Variants in VAPB observed in about 807,000 individuals in gnomAD.
VAPB encodes the protein vesicle-associated membrane protein-associated protein B/C.
A neutral mutation model predicts 25.6 loss-of-function variants in VAPB; 7 were observed. The observed-to-expected ratio is 0.27, with a 90% CI of 0.16 to 0.51. The LOEUF is 0.51. Among genes scored for constraint, VAPB ranks in the 20% least tolerant of loss-of-function variants. The probability of loss-of-function intolerance (pLI) is 0.97; values close to 1 mark genes in which losing one functional copy is unlikely to be tolerated. For synonymous variants in VAPB, 112 were observed against 109.2 expected (o/e 1.03, Z -0.16); for missense variants, 266 against 301.3 (o/e 0.88, Z 0.87).
rs548272361 is a variant in VAPB at position 58,403,093 on chromosome 20, C to T, written c.58+13576C>T. Among the ~76,000 whole-genome samples the T allele has an allele frequency of 7.9e-5, 12 of 152,224 alleles. No individual in the cohort carries two copies. The East Asian group carries it at 1.4e-3, about 17-fold the overall frequency. ...AGTAATGAAGCCTGTCGGCAGGGCCCGTTATGTACAGCCGATCGATGTAGA... is the reference window on the plus strand; with the variant it reads ...AGTAATGAAGCCTGTCGGCAGGGCCTGTTATGTACAGCCGATCGATGTAGA... On this transcript the variant is annotated intron_variant, in intron 1 of 5. Coordinates refer to ENST00000475243, the MANE Select transcript of VAPB (RefSeq NM_004738.5).
At chr20:58,422,667 C>A (rs1053500194) in intron 2 of VAPB, among the ~76,000 whole-genome samples, 2 of 151,254 alleles carry the variant, frequency 1.3e-5, no homozygotes, top group African/African-American at 4.9e-5. Flanking sequence ...TATTCCAAAC[C>A]ATGTTTGCCA....
Position 58,444,212 on chromosome 20 carries a change from A to G in VAPB, c.709A>G (p.Ile237Val), listed in dbSNP as rs1555816248. Residue 237 changes from isoleucine to valine, a missense_variant, in exon 6 of 6, where the codon ATT becomes GTT. Transcript: ENST00000475243. ...LVVLFFIVGVIIGKIAL is the reference protein window; with the variant it reads ...LVVLFFIVGVVIGKIAL ...GGTTTTGTTCTTTATCGTTGGTGTAATTATTGGGAAGATTGCCTTGTAGAG... is the reference window on the plus strand; with the variant it reads ...GGTTTTGTTCTTTATCGTTGGTGTAGTTATTGGGAAGATTGCCTTGTAGAG... The G allele has an allele frequency of 6.2e-7, 1 of 1,614,192 alleles. No individual in the cohort carries two copies. Among genetic ancestry groups the G allele is most frequent in the Non-Finnish European group, 8.5e-7 (1 of 1,180,038 alleles).
chr20:58,409,161 G>C (rs1988311929), intron 1 of VAPB, among the ~76,000 whole-genome samples: 1 of 151,094 alleles, frequency 6.6e-6, no homozygotes, highest in Non-Finnish European at 1.5e-5. Context: ...AAGTGCTCTA[G>C]GTGCTGATGA....
chr20:58,416,459 GGT>G (rs992801030), intron 1 of VAPB, among the ~76,000 whole-genome samples: 4 of 71,472 alleles, frequency 5.6e-5, no homozygotes, highest in African/African-American at 2.2e-4. Context: ...AGGTGGTTGA[GGT>G]GTGTGTGCTT....
At chr20:58,390,156 T>C (rs1399073904) in intron 1 of VAPB, 1 of 152,178 alleles carries the variant, frequency 6.6e-6, no homozygotes, top group Non-Finnish European at 1.5e-5. Context: ...CAAATGAACC[T>C]CCTCAGGACT....
intron 2 of VAPB, among the ~76,000 whole-genome samples, chr20:58,420,330 A>G (rs1988644013): frequency 6.6e-6 from 1 of 152,180 alleles, no homozygotes; most frequent in South Asian, 2.1e-4. Context: ...CCATCATAGG[A>G]ATTTTTAAAA....
In VAPB at chr20:58,449,026, G is replaced by T. The variant is rs1049782662; in HGVS notation, c.*4791G>T. Reference sequence around the variant, plus strand: ...AACAGCTGAGCTGCTGATGTCTCAGGCCTTTCCCTGAATTAGCACTGCGGT... The same window carrying T: ...AACAGCTGAGCTGCTGATGTCTCAGTCCTTTCCCTGAATTAGCACTGCGGT... On this transcript the variant is annotated 3_prime_UTR_variant, in exon 6 of 6. Coordinates refer to ENST00000475243, the MANE Select transcript of VAPB (RefSeq NM_004738.5). The T allele has an allele frequency of 2.2e-6, 1 of 454,012 alleles. No homozygotes were observed. The highest frequency in any genetic ancestry group is 4.4e-6 in the Non-Finnish European group (1 of 226,796). 28.1% of individuals were successfully genotyped at this position (454,012 alleles called of 1,614,324 possible). A position where few individuals can be genotyped will look rare whatever the true frequency, so the allele number is the denominator to read the frequency against.
intron 1 of VAPB, among the ~76,000 whole-genome samples, chr20:58,405,502 G>A (rs1046985031): frequency 4.6e-5 from 7 of 151,730 alleles, no homozygotes; most frequent in Admixed American, 1.3e-4. Context: ...TTGCTCTGTC[G>A]CCCAGGCTGG....
intron 1 of VAPB, among the ~76,000 whole-genome samples, chr20:58,392,587 A>G (rs963826760): frequency 6.6e-6 from 1 of 152,252 alleles, no homozygotes. Context: ...TTTCAGGATG[A>G]GAAATGGCAC....
intron 1 of VAPB, among the ~76,000 whole-genome samples, chr20:58,406,315 G>A (rs1988228709): frequency 6.6e-6 from 1 of 152,196 alleles, no homozygotes; most frequent in African/African-American, 2.4e-5. Context: ...GCAAAACTTT[G>A]AAGAATGAGC....
chr20:58,433,571 T>G (rs1170320628), intron 2 of VAPB, among the ~76,000 whole-genome samples: 1 of 152,224 alleles, frequency 6.6e-6, no homozygotes, highest in Non-Finnish European at 1.5e-5. Flanking sequence ...ACTGCCTGGG[T>G]TTGAGTCTGC....
At chr20:58,414,717 CG>C (rs1268129454) in intron 1 of VAPB, among the ~76,000 whole-genome samples, 2 of 151,886 alleles carry the variant, frequency 1.3e-5, no homozygotes, top group Non-Finnish European at 2.9e-5. Flanking sequence ...GGCGGCCGGT[CG>C]GAGACGCTCC....
At chr20:58,413,571 C>T (rs966947609) in intron 1 of VAPB, among the ~76,000 whole-genome samples, 11 of 152,062 alleles carry the variant, frequency 7.2e-5, no homozygotes, top group African/African-American at 2.2e-4. Flanking sequence ...GGCAACCATC[C>T]GATTTCTCAA....
chr20:58,399,682 A>C (rs1988047584), intron 1 of VAPB, among the ~76,000 whole-genome samples: 1 of 148,110 alleles, frequency 6.8e-6, no homozygotes, highest in Non-Finnish European at 1.5e-5. Context: ...GTGCCTCTGC[A>C]CTCCAGCCTG....
intron 1 of VAPB, among the ~76,000 whole-genome samples, chr20:58,393,085 G>GCA (rs1249023832): frequency 6.6e-6 from 1 of 152,176 alleles, no homozygotes; most frequent in African/African-American, 2.4e-5. Flanking sequence ...CCAGGCTGGA[G>GCA]GGCAGTGGTG....
In VAPB at chr20:58,447,091, C is replaced by T. The variant is rs1488210584; in HGVS notation, c.*2856C>T. ...CTGCCAGGCTGCCCTCCAGTCTGCT[C>T]CTGTGGTTACTGGCTCCACAGCACC... On this transcript the variant is annotated 3_prime_UTR_variant, in exon 6 of 6. Transcript: ENST00000475243. 2 of 453,978 alleles carry T rather than the reference C, an allele frequency of 4.4e-6. No individual in the cohort carries two copies. Among genetic ancestry groups the T allele is most frequent in the African/African-American group, 2.0e-5 (1 of 49,998 alleles). 28.1% of individuals were successfully genotyped at this position (453,978 alleles called of 1,614,324 possible). A position where few individuals can be genotyped will look rare whatever the true frequency, so the allele number is the denominator to read the frequency against.
chr20:58,412,621 T>G (rs1432505474), intron 1 of VAPB, among the ~76,000 whole-genome samples: 2 of 151,018 alleles, frequency 1.3e-5, no homozygotes, highest in East Asian at 3.9e-4. Flanking sequence ...CCTTAAAAAC[T>G]TCTATCTTGC....
rs893238281 is a variant in VAPB, at chr20:58,449,583, G to T, written c.*5348G>T. The stretch of plus-strand genomic sequence containing the variant: ...TGCAGTTATGATACCTTGGAATGTT[G>T]CCACGATATGGATTGCTTTGATTAA... On this transcript the variant is annotated 3_prime_UTR_variant, in exon 6 of 6. Transcript: ENST00000475243. The T allele has an allele frequency of 1.1e-5, 5 of 454,096 alleles. No individual in the cohort carries two copies. The highest frequency in any genetic ancestry group is 1.0e-4 in the African/African-American group (5 of 50,118). The allele number at this position is 454,096 out of a possible 1,614,324, so 28.1% of individuals were successfully genotyped here. A position where few individuals can be genotyped will look rare whatever the true frequency, so the allele number is the denominator to read the frequency against.
intron 4 of VAPB, 55 bp from the exon 5 acceptor site, chr20:58,440,852 A>G: frequency 1.3e-6 from 2 of 1,570,418 alleles, no homozygotes; most frequent in Non-Finnish European, 1.7e-6. Context: ...TTTGCATAAA[A>G]AAGTCCATTA....
Sources: allele counts gnomAD v4.1 joint callset (sites outside exome capture counted in the v4.1 genomes callset), GRCh38; gene constraint gnomAD v4.1.1; transcripts MANE v1.5; gene names NCBI Gene and HGNC (gene_info 2026-07-23, HGNC 2026-07-21).